The following RGS9 variants were observed in gnomAD, a reference collection of about 807,000 sequenced individuals.
The protein encoded by RGS9 is regulator of G-protein signalling 9.
In RGS9, 78 loss-of-function variants were observed where a neutral mutation model predicts 102.0. That is an observed-to-expected ratio of 0.76 (90% CI 0.64 to 0.92). The LOEUF is 0.92. Among genes scored for constraint, RGS9 ranks in the 40% least tolerant of loss-of-function variants. The probability of loss-of-function intolerance (pLI) is 0.00; values close to 1 mark genes in which losing one functional copy is unlikely to be tolerated. For synonymous variants in RGS9, 353 were observed against 318.6 expected (o/e 1.11, Z -1.15); for missense variants, 833 against 866.1 (o/e 0.96, Z 0.48).
chr17:65,182,115 A>G (rs774524802), intron 9 of RGS9, among the ~76,000 whole-genome samples: 1 of 152,196 alleles, frequency 6.6e-6, no homozygotes, highest in Non-Finnish European at 1.5e-5. Context: ...CTCAGTCTAC[A>G]CTGGCGAGTA....
intron 13 of RGS9, among the ~76,000 whole-genome samples, chr17:65,200,030 C>G (rs1301374441): frequency 6.6e-6 from 1 of 151,818 alleles, no homozygotes; most frequent in Non-Finnish European, 1.5e-5. Flanking sequence ...TAAATTTTAC[C>G]ATTTTAACCA....
At chr17:65,222,474 A>G (rs1913734762) in intron 17 of RGS9, among the ~76,000 whole-genome samples, 1 of 152,236 alleles carries the variant, frequency 6.6e-6, no homozygotes, top group African/African-American at 2.4e-5. Context: ...CTGTGATTCT[A>G]CATGCCACAG....
At chr17:65,142,813 C>T (rs1177550427) in intron 1 of RGS9, among the ~76,000 whole-genome samples, 1 of 152,106 alleles carries the variant, frequency 6.6e-6, no homozygotes, top group Non-Finnish European at 1.5e-5. Flanking sequence ...AAACTCCTGA[C>T]CTCAGGTGCC....
At chr17:65,206,132 TG>T (rs1913055805) in intron 15 of RGS9, among the ~76,000 whole-genome samples, 1 of 152,226 alleles carries the variant, frequency 6.6e-6, no homozygotes, top group African/African-American at 2.4e-5. Flanking sequence ...TTAGCTTTCC[TG>T]ATTTATATTT....
At chr17:65,187,868 T>C (rs987571177) in intron 9 of RGS9, among the ~76,000 whole-genome samples, 1 of 152,116 alleles carries the variant, frequency 6.6e-6, no homozygotes, top group African/African-American at 2.4e-5. Context: ...TGGTGGTGTG[T>C]GCCTGTAGTC....
At chr17:65,218,778 G>C (rs745343365) in intron 17 of RGS9, among the ~76,000 whole-genome samples, 28 of 152,312 alleles carry the variant, frequency 1.8e-4, no homozygotes, top group Non-Finnish European at 3.2e-4. Flanking sequence ...GTCAGGCTCT[G>C]ATAACAGTTT....
intron 8 of RGS9, among the ~76,000 whole-genome samples, chr17:65,175,576 C>T (rs910624024): frequency 6.6e-6 from 1 of 152,152 alleles, no homozygotes; most frequent in African/African-American, 2.4e-5. Context: ...GGTCTCGGGG[C>T]ACACTCACCA....
intron 13 of RGS9, among the ~76,000 whole-genome samples, chr17:65,201,543 C>T (rs188698088): frequency 2.0e-4 from 30 of 152,282 alleles, no homozygotes; most frequent in South Asian, 2.1e-4. Context: ...AGCGTAGCAA[C>T]GCATGTATAG....
chr17:65,160,767 G>A, intron 5 of RGS9, 84 bp from the exon 6 acceptor site: 1 of 1,484,660 alleles, frequency 6.7e-7, no homozygotes, highest in South Asian at 1.1e-5. Flanking sequence ...CCCCGACTCT[G>A]AGCACAGCAG....
intron 9 of RGS9, among the ~76,000 whole-genome samples, chr17:65,182,313 C>T (rs1055662520): frequency 3.3e-5 from 5 of 152,246 alleles, no homozygotes; most frequent in Non-Finnish European, 7.3e-5. Context: ...TGTTTGCTGA[C>T]AGCTCCCTGC....
rs967534086 is a variant in RGS9, at chr17:65,137,393, CAGG to C, written c.-147_-145del. The C allele has an allele frequency of 1.3e-6, 1 of 752,538 alleles. No homozygotes were observed. The highest frequency in any genetic ancestry group is 1.7e-5 in the African/African-American group (1 of 57,976). 46.6% of individuals were successfully genotyped at this position (752,538 alleles called of 1,614,324 possible). A position where few individuals can be genotyped will look rare whatever the true frequency, so the allele number is the denominator to read the frequency against. On this transcript the variant is annotated 5_prime_UTR_variant, in exon 1 of 19. Transcript: ENST00000262406. ...CAAGTCAGCGGCGCCTAGTGAGAGT[CAGG>C]GGGGCCCGGCCCGCGCCCTCCCCGC...
chr17:65,143,421 G>A (rs1439074205), intron 1 of RGS9, among the ~76,000 whole-genome samples: 1 of 152,164 alleles, frequency 6.6e-6, no homozygotes. Context: ...GCAGAGAAGA[G>A]ATGTGTTGAA....
At chr17:65,160,613 C>T (rs1461398397) in intron 5 of RGS9, 26 bp downstream of exon 5, 1 of 1,611,812 alleles carries the variant, frequency 6.2e-7, no homozygotes, top group Non-Finnish European at 8.5e-7. Flanking sequence ...CCAACTATGC[C>T]TTTGGTAGTG....
chr17:65,138,279 C>G (rs1256670636), intron 1 of RGS9, among the ~76,000 whole-genome samples: 3 of 152,158 alleles, frequency 2.0e-5, no homozygotes, highest in Non-Finnish European at 4.4e-5. Context: ...GGTATAATCA[C>G]TGTCCGATGA....
chr17:65,198,922 G>A (rs1277801288), intron 13 of RGS9, among the ~76,000 whole-genome samples: 2 of 152,182 alleles, frequency 1.3e-5, no homozygotes, highest in African/African-American at 4.8e-5. Context: ...GGATGGACTG[G>A]CGAATAAGTG....
At chr17:65,192,068 GAA>G (rs907268485) in intron 11 of RGS9, among the ~76,000 whole-genome samples, 1 of 152,154 alleles carries the variant, frequency 6.6e-6, no homozygotes, top group Non-Finnish European at 1.5e-5. Flanking sequence ...GCTTTTTTTA[GAA>G]AAGTTTTTTA....
chr17:65,226,299 G>A (rs115480659), intron 18 of RGS9, among the ~76,000 whole-genome samples: 163 of 152,294 alleles, frequency 1.1e-3, no homozygotes, highest in African/African-American at 3.6e-3. Context: ...GTTTGGCCTC[G>A]TCTGGGCTTG....
At chr17:65,157,541 C>T (rs776639854) in intron 2 of RGS9, among the ~76,000 whole-genome samples, 7 of 151,792 alleles carry the variant, frequency 4.6e-5, no homozygotes, top group Middle Eastern at 3.2e-3. Context: ...CCTCTGAGCC[C>T]GCCTCTCCTG....
intron 8 of RGS9, among the ~76,000 whole-genome samples, chr17:65,169,318 T>G (rs1409379355): frequency 2.0e-5 from 3 of 152,220 alleles, no homozygotes; most frequent in Non-Finnish European, 2.9e-5. Flanking sequence ...GCTTGTTTGA[T>G]TTTTTCTTTG....
Sources: allele counts gnomAD v4.1 joint callset (sites outside exome capture counted in the v4.1 genomes callset), GRCh38; gene constraint gnomAD v4.1.1; transcripts MANE v1.5; gene names NCBI Gene and HGNC (gene_info 2026-07-23, HGNC 2026-07-21).